Variants in CCDC136 observed in about 807,000 individuals in gnomAD.
CCDC136 encodes the protein coiled-coil domain containing 136, also known as coiled-coil domain-containing protein 136.
CCDC136 carries 100 observed loss-of-function variants against 141.2 expected under a neutral mutation model. That is an observed-to-expected ratio of 0.71 (90% CI 0.60 to 0.84). The LOEUF is 0.84. Among genes scored for constraint, CCDC136 ranks in the 40% least tolerant of loss-of-function variants. The pLI is 0.00. For synonymous variants in CCDC136, 474 were observed against 531.9 expected (o/e 0.89, Z 1.50); for missense variants, 1,206 against 1,379.4 (o/e 0.87, Z 1.99).
At chr7:128,810,460 G>T (rs1022253018) in intron 12 of CCDC136, 94 bp downstream of exon 12, 2 of 884,074 alleles carry the variant, frequency 2.3e-6, no homozygotes, top group Non-Finnish European at 3.5e-6. Flanking sequence ...TTGGGAAGGC[G>T]TGTTTGGCCA....
chr7:128,812,420 T>A lies in CCDC136; in HGVS notation c.2541+108T>A, dbSNP rs1465314931. The A allele has an allele frequency of 4.1e-6, 5 of 1,220,734 alleles. No individual in the cohort carries two copies. In the African/African-American group the frequency reaches 7.6e-5, roughly 19 times the overall value. The allele number at this position is 1,220,734 out of a possible 1,614,324, so 75.6% of individuals were successfully genotyped here. A position where few individuals can be genotyped will look rare whatever the true frequency, so the allele number is the denominator to read the frequency against. The stretch of plus-strand genomic sequence containing the variant: ...AGAAGTGTGGGAATGGGGTCAGAAC[T>A]GACCTGGGGAACTATTGGAAGTAAG... On this transcript the variant is annotated intron_variant, in intron 13 of 17. Transcript: ENST00000297788.
chr7:128,811,862 G>C lies in CCDC136; in HGVS notation c.2091G>C (p.Ala697=). 1 of 1,612,300 alleles carries C rather than the reference G, an allele frequency of 6.2e-7. No homozygotes were observed. Among genetic ancestry groups the C allele is most frequent in the South Asian group, 1.1e-5 (1 of 90,880 alleles). ...ALQVMYDAGQ[A]KQELLQQEQG... The stretch of plus-strand genomic sequence containing the variant: ...AGGTGATGTATGACGCCGGTCAGGC[G>C]AAGCAGGAGCTCTTGCAGCAAGAGC... The change falls in exon 13 of 18, where the codon GCG becomes GCC. Residue 697 remains alanine (A), a synonymous_variant. Coordinates refer to ENST00000297788, the MANE Select transcript of CCDC136 (RefSeq NM_022742.5).
chr7:128,818,192 T>A (rs1806936354), intron 17 of CCDC136: 1 of 290,668 alleles, frequency 3.4e-6, no homozygotes, highest in Non-Finnish European at 6.5e-6. Context: ...TCCCCGCTCA[T>A]CCTCTGTGTG....
chr7:128,809,267 G>A lies in CCDC136; in HGVS notation c.1606-183G>A, dbSNP rs956903359. On this transcript the variant is annotated intron_variant, in intron 10 of 17. Transcript: ENST00000297788. ...GCAACCTGCTCTGAAGGAGCAGCCTGCAGGGGATCCCCAATCGGTATCTAA... is the reference window on the plus strand; with the variant it reads ...GCAACCTGCTCTGAAGGAGCAGCCTACAGGGGATCCCCAATCGGTATCTAA... The A allele has an allele frequency of 7.1e-6, 4 of 562,736 alleles. No individual in the cohort carries two copies. In the African/African-American group the frequency reaches 7.8e-5, roughly 11 times the overall value. 34.9% of individuals were successfully genotyped at this position (562,736 alleles called of 1,614,324 possible). A position where few individuals can be genotyped will look rare whatever the true frequency, so the allele number is the denominator to read the frequency against.
intron 17 of CCDC136, among the ~76,000 whole-genome samples, chr7:128,819,273 C>T (rs1807114225): frequency 6.6e-6 from 1 of 152,228 alleles, no homozygotes; most frequent in African/African-American, 2.4e-5. Flanking sequence ...CCCAGAGCTC[C>T]AGGAGGCCCC....
chr7:128,815,923 A>G lies in CCDC136; in HGVS notation c.3355A>G (p.Ser1119Gly). 1 of 1,609,388 alleles carries G rather than the reference A, an allele frequency of 6.2e-7. No individual in the cohort carries two copies. The highest frequency in any genetic ancestry group is 8.5e-7 in the Non-Finnish European group (1 of 1,177,576). The part of the protein sequence containing the change: ...EENNPLRLSE[S>G]KKSSPTPNPP... ...AAATAACCCCCTCAGACTTTCCGAG[A>G]GCAAAAAGGTAACCAGAGCCAAAGC... is the stretch of plus-strand genomic sequence containing the variant. Residue 1119 changes from serine to glycine, a missense_variant, in exon 16 of 18, where the codon AGC becomes GGC. Ser to Gly is a moderately conservative substitution (Grantham distance 56). Transcript: ENST00000297788.
At chr7:128,816,175 A>G (rs1397204750) in intron 16 of CCDC136, among the ~76,000 whole-genome samples, 1 of 152,218 alleles carries the variant, frequency 6.6e-6, no homozygotes, top group Admixed American at 6.5e-5. Context: ...TTTTCTGGGA[A>G]CCAGCGTGGG....
Position 128,812,855 on chromosome 7 carries a change from G to A in CCDC136, c.2689G>A (p.Ala897Thr). ...KQKDLKEELDACEREFKECME... is the reference protein window; with the variant it reads ...KQKDLKEELDTCEREFKECME... ...GAAAGACCTGAAGGAAGAGCTGGAT[G>A]CCTGTGAAAGGGAGTTCAAGGAGTG... The change falls in exon 14 of 18, where the codon GCC (alanine) becomes ACC (threonine). Residue 897 changes from alanine (A) to threonine (T), a missense_variant. Transcript: ENST00000297788. The A allele has an allele frequency of 6.2e-7, 1 of 1,613,244 alleles. No homozygotes were observed. The highest frequency in any genetic ancestry group is 8.5e-7 in the Non-Finnish European group (1 of 1,179,686).
In CCDC136 at chr7:128,815,604, C is replaced by T. The variant is rs1164680399; in HGVS notation, c.3046-10C>T. On this transcript the variant is annotated splice_polypyrimidine_tract_variant and intron_variant, in intron 15 of 17. Coordinates refer to ENST00000297788, the MANE Select transcript of CCDC136 (RefSeq NM_022742.5). ...CGCAGCCGCCATCCTGCCCTACTCCCACCCCACAGAGTCTGGAGGTAGTGC... is the reference window on the plus strand; with the variant it reads ...CGCAGCCGCCATCCTGCCCTACTCCTACCCCACAGAGTCTGGAGGTAGTGC... 2 of 1,549,188 alleles carry T rather than the reference C, an allele frequency of 1.3e-6. No individual in the cohort carries two copies. The highest frequency in any genetic ancestry group is 3.9e-5 in the Admixed American group (2 of 50,768).
intron 12 of CCDC136, 92 bp downstream of exon 12, chr7:128,810,458 G>C: frequency 1.1e-6 from 1 of 892,928 alleles, no homozygotes; most frequent in South Asian, 1.6e-5. Flanking sequence ...AGTTGGGAAG[G>C]CGTGTTTGGC....
chr7:128,806,566 A>G, intron 8 of CCDC136, 122 bp from the exon 9 acceptor site: 8 of 1,084,040 alleles, frequency 7.4e-6, no homozygotes, highest in Non-Finnish European at 1.1e-5. Flanking sequence ...ATATGAGGAC[A>G]TTAGGAAGTG....
chr7:128,818,062 G>C, intron 17 of CCDC136, 198 bp downstream of exon 17: 1 of 562,856 alleles, frequency 1.8e-6, no homozygotes, highest in South Asian at 2.1e-5. Flanking sequence ...GCATGTCTTC[G>C]TAATGCATAG....
upstream of CCDC136, chr7:128,791,875 G>T (rs1031247710): frequency 4.1e-5 from 17 of 412,004 alleles, no homozygotes; most frequent in African/African-American, 3.3e-4. The surrounding 1 kb of genome is among the most constrained non-coding windows in gnomAD (Gnocchi z 7.1). Flanking sequence ...GGGCGAGGGT[G>T]GGGTGGGCAA....
chr7:128,804,721 A>C lies in CCDC136; in HGVS notation c.742A>C (p.Ser248Arg), dbSNP rs542120613. 6.2e-7 allele frequency: 1 copy of C among 1,601,490 alleles called. No homozygotes were observed. Among genetic ancestry groups the C allele is most frequent in the South Asian group, 1.1e-5 (1 of 88,146 alleles). ...EEYRALQESN[S>R]SLTGQLADLE... ...ATACCGGGCCCTGCAGGAGAGCAAC[A>C]GCAGCCTCACGGGGCAGCTTGCAGA... The change falls in exon 5 of 18, where the codon AGC becomes CGC. Residue 248 changes from serine to arginine, a missense_variant. By Grantham distance (110) the Ser-to-Arg change is moderately radical. Transcript: ENST00000297788.
At chr7:128,795,536 G>C (rs1307204601) in intron 3 of CCDC136, among the ~76,000 whole-genome samples, 1 of 151,958 alleles carries the variant, frequency 6.6e-6, no homozygotes. Context: ...AAGCAGAGGT[G>C]TAAGTGGGGA....
At chr7:128,819,654 C>T (rs756749792) in intron 17 of CCDC136, among the ~76,000 whole-genome samples, 11 of 152,142 alleles carry the variant, frequency 7.2e-5, no homozygotes, top group Non-Finnish European at 1.5e-4. Flanking sequence ...GAAGAAGCTA[C>T]TCCTATTTTT....
At chr7:128,798,857 G>C in intron 3 of CCDC136, among the ~76,000 whole-genome samples, 1 of 152,050 alleles carries the variant, frequency 6.6e-6, no homozygotes, top group Admixed American at 6.6e-5. Context: ...TCAAGGAGAC[G>C]TAACAGCTAG....
chr7:128,793,310 G>A (rs1802474111), intron 1 of CCDC136, among the ~76,000 whole-genome samples: 1 of 152,102 alleles, frequency 6.6e-6, no homozygotes, highest in Non-Finnish European at 1.5e-5. Context: ...TTACACACAA[G>A]TACAGCCTAA....
chr7:128,806,079 G>A (rs1293542823), intron 7 of CCDC136, among the ~76,000 whole-genome samples, 158 bp from the exon 8 acceptor site: 1 of 152,186 alleles, frequency 6.6e-6, no homozygotes, highest in Non-Finnish European at 1.5e-5. Context: ...TCTAGAAATG[G>A]TGGTCATTAC....
Sources: gnomAD v4.1 joint callset for allele counts (sites outside exome capture counted in the v4.1 genomes callset) on GRCh38, gnomAD v4.1.1 for gene constraint, Gnocchi (gnomAD v3.1) non-coding constraint, MANE v1.5 for transcripts, NCBI Gene and HGNC (gene_info 2026-07-23, HGNC 2026-07-21) for gene names.